STK11: variants seen among roughly 807,000 people sequenced by gnomAD.
STK11 encodes the protein serine/threonine-protein kinase STK11.
In STK11, 8 loss-of-function variants were observed where a neutral mutation model predicts 47.3. The ratio of observed to expected loss-of-function variants is 0.17; its 90% CI spans 0.10 to 0.31. The LOEUF is 0.31. Ranked by LOEUF, STK11 falls within the 10% of genes least tolerant of loss-of-function variation. The probability of loss-of-function intolerance (pLI) is 1.00; values close to 1 mark genes in which losing one functional copy is unlikely to be tolerated. For synonymous variants in STK11, 330 were observed against 255.8 expected (o/e 1.29, Z -2.77); for missense variants, 475 against 605.0 (o/e 0.79, Z 2.25).
rs1555740288 is a variant in STK11, at chr19:1,226,629, G to GGCCTGCAAGCAGCAGTGAGGCTGGCC, written c.1292_*15dup. 1.9e-6 allele frequency: 3 copies of GGCCTGCAAGCAGCAGTGAGGCTGGCC among 1,542,458 alleles called. No homozygotes were observed. Among genetic ancestry groups the GGCCTGCAAGCAGCAGTGAGGCTGGCC allele is most frequent in the Non-Finnish European group, 2.6e-6 (3 of 1,144,650 alleles). ...CCAGCAGCAAGATCCGCCGGCTGTC[G>GGCCTGCAAGCAGCAGTGAGGCTGGCC]GCCTGCAAGCAGCAGTGAGGCTGGC... On this transcript the variant is annotated stop_gained and frameshift_variant, in exon 9 of 10. Transcript: ENST00000326873. LOFTEE classifies it high-confidence loss of function.
At position 1,228,163 on chromosome 19, in the gene STK11, G is replaced by T; in HGVS notation, c.*587G>T. ...GGGGCTGTGGGGTCGGGCTCACGTCGCGGCCGCCTTTGCGCTCTCGGGTCA... is the reference window on the plus strand; with the variant it reads ...GGGGCTGTGGGGTCGGGCTCACGTCTCGGCCGCCTTTGCGCTCTCGGGTCA... On this transcript the variant is annotated 3_prime_UTR_variant, in exon 10 of 10. Coordinates refer to ENST00000326873, the MANE Select transcript of STK11 (RefSeq NM_000455.5). 1 of 1,060,772 alleles carries T rather than the reference G, an allele frequency of 9.4e-7. No individual in the cohort carries two copies. Among genetic ancestry groups the T allele is most frequent in the South Asian group, 4.6e-5 (1 of 21,906 alleles). The allele number at this position is 1,060,772 out of a possible 1,614,324, so 65.7% of individuals were successfully genotyped here. A position where few individuals can be genotyped will look rare whatever the true frequency, so the allele number is the denominator to read the frequency against.
chr19:1,215,409 G>C (rs527544742), intron 1 of STK11, among the ~76,000 whole-genome samples: 1 of 152,366 alleles, frequency 6.6e-6, no homozygotes, highest in African/African-American at 2.4e-5. Context: ...AGGGCACCGG[G>C]CACAGCCAGG....
At chr19:1,219,528 G>GT (rs914339046) in intron 3 of STK11, 115 bp downstream of exon 3, 12 of 903,180 alleles carry the variant, frequency 1.3e-5, no homozygotes, top group South Asian at 1.1e-4. Flanking sequence ...GAAGGCCCAA[G>GT]TTTTTTTGTT....
In STK11 at chr19:1,206,699, C is replaced by T. The variant is rs1348590477; in HGVS notation, c.-215C>T. 1.5e-6 allele frequency: 1 copy of T among 660,190 alleles called. No homozygotes were observed. Among genetic ancestry groups the T allele is most frequent in the African/African-American group, 1.8e-5 (1 of 54,772 alleles). 40.9% of individuals were successfully genotyped at this position (660,190 alleles called of 1,614,324 possible). ...CCCCCGGTGCCCGCCGGTCCGCAGA[C>T]CCTGCACCGGGCTTGGACTCGCAGC... is the stretch of plus-strand genomic sequence containing the variant. On this transcript the variant is annotated 5_prime_UTR_variant, in exon 1 of 10. Coordinates refer to ENST00000326873, the MANE Select transcript of STK11 (RefSeq NM_000455.5).
intron 7 of STK11, 133 bp from the exon 8 acceptor site, chr19:1,222,852 A>G: frequency 9.4e-7 from 1 of 1,063,064 alleles, no homozygotes. Context: ...CTGTGGTCAC[A>G]GCCACCCCTT....
chr19:1,208,721 GA>G (rs1473902704), intron 1 of STK11, among the ~76,000 whole-genome samples: 1 of 128,396 alleles, frequency 7.8e-6, no homozygotes, highest in Non-Finnish European at 1.6e-5. Flanking sequence ...GGGTTCAAGT[GA>G]TTCTCGTGCC....
intron 9 of STK11, 51 bp downstream of exon 9, chr19:1,226,714 C>T (rs2145437004): frequency 1.4e-6 from 2 of 1,441,626 alleles, no homozygotes; most frequent in East Asian, 2.5e-5. Flanking sequence ...CGCCTGGATG[C>T]CACAGCCAGC....
chr19:1,221,135 C>T (rs1418413735), intron 5 of STK11, 78 bp from the exon 6 acceptor site: 1 of 1,585,374 alleles, frequency 6.3e-7, no homozygotes, highest in Non-Finnish European at 8.6e-7. Context: ...CGCCTCTGTC[C>T]CTGGGGTAGA....
chr19:1,223,382 G>T (rs1266161594), intron 8 of STK11, among the ~76,000 whole-genome samples: 1 of 152,252 alleles, frequency 6.6e-6, no homozygotes, highest in African/African-American at 2.4e-5. Flanking sequence ...GGGGGCACCA[G>T]CCCAGGCCTG....
rs587782379 is a variant in STK11 at position 1,220,591 on chromosome 19, C to A, written c.608C>A (p.Pro203Gln). 1.9e-6 allele frequency: 3 copies of A among 1,586,018 alleles called. No individual in the cohort carries two copies. Among genetic ancestry groups the A allele is most frequent in the Non-Finnish European group, 2.6e-6 (3 of 1,166,018 alleles). The stretch of plus-strand genomic sequence containing the variant: ...ACGGCACCGCCACAGGCACTGCACC[C>A]GTTCGCGGCGGACGACACCTGCCGG... ...SDLGVAEALH[P>Q]FAADDTCRTS... Residue 203 changes from proline (P) to glutamine (Q), a missense_variant, in exon 5 of 10, where the codon CCG becomes CAG. This residue lies in a region of STK11 where 130 missense variants were observed against 239.7 expected (regional missense o/e 0.54). Coordinates refer to ENST00000326873, the MANE Select transcript of STK11 (RefSeq NM_000455.5).
At chr19:1,220,244 G>A in intron 3 of STK11, 129 bp from the exon 4 acceptor site, 1 of 1,276,636 alleles carries the variant, frequency 7.8e-7, no homozygotes, top group Non-Finnish European at 1.1e-6. Flanking sequence ...CCTCTGTCCT[G>A]TGTGCCTGGA....
At chr19:1,207,489 G>A (rs1230780118) in intron 1 of STK11, among the ~76,000 whole-genome samples, 1 of 152,154 alleles carries the variant, frequency 6.6e-6, no homozygotes, top group Admixed American at 6.5e-5. Context: ...GAAGGGAGCG[G>A]CCCCCAATCC....
intron 1 of STK11, among the ~76,000 whole-genome samples, chr19:1,215,471 G>C (rs1958476965): frequency 6.6e-6 from 1 of 152,216 alleles, no homozygotes; most frequent in African/African-American, 2.4e-5. Flanking sequence ...GTGTCCCTCT[G>C]TGCCCCGTCC....
intron 9 of STK11, chr19:1,227,010 C>CCTG: frequency 3.3e-6 from 1 of 299,394 alleles, no homozygotes; most frequent in Non-Finnish European, 6.3e-6. Context: ...AAGGCTTATG[C>CCTG]TGGGCTCAGC....
chr19:1,226,665 TG>T lies in STK11; in HGVS notation c.*16+6del, dbSNP rs1248239568. The stretch of plus-strand genomic sequence containing the variant: ...AGCAGTGAGGCTGGCCGCCTGCAGG[TG>T]GGGCGCGGCGGGGCCCGGGTGGGGC... On this transcript the variant is annotated splice_donor_region_variant and intron_variant, in intron 9 of 9. Transcript: ENST00000326873. 1 of 1,499,862 alleles carries T rather than the reference TG, an allele frequency of 6.7e-7. No individual in the cohort carries two copies. The highest frequency in any genetic ancestry group is 2.3e-5 in the Admixed American group (1 of 43,934). The allele number at this position is 1,499,862 out of a possible 1,614,324, so 92.9% of individuals were successfully genotyped here.
At chr19:1,220,324 TGA>T in intron 3 of STK11, 47 bp from the exon 4 acceptor site, 30 of 1,570,750 alleles carry the variant, frequency 1.9e-5, no homozygotes, top group Non-Finnish European at 2.3e-5. Flanking sequence ...GGGACCCCTG[TGA>T]GGGGCAGGGA....
At chr19:1,221,686 A>G (rs908794625) in intron 6 of STK11, 14 of 587,678 alleles carry the variant, frequency 2.4e-5, no homozygotes, top group African/African-American at 2.2e-4. Flanking sequence ...CCGTCCGTCC[A>G]TCTGCCCAGT....
intron 7 of STK11, among the ~76,000 whole-genome samples, chr19:1,222,309 T>C (rs901274725): frequency 6.6e-6 from 1 of 152,184 alleles, no homozygotes; most frequent in Admixed American, 6.5e-5. Flanking sequence ...CGAGAGCCTC[T>C]CTTTTTCCCC....
chr19:1,227,905 C>G lies in STK11; in HGVS notation c.*329C>G. 9.3e-7 allele frequency: 1 copy of G among 1,070,262 alleles called. No homozygotes were observed. Among genetic ancestry groups the G allele is most frequent in the East Asian group, 4.8e-5 (1 of 20,774 alleles). 66.3% of individuals were successfully genotyped at this position (1,070,262 alleles called of 1,614,324 possible). The stretch of plus-strand genomic sequence containing the variant: ...TACTGGCCCCGCCCGTGGCCTCGTG[C>G]TCCGCAGGGCGCCCAGCGCCGTCCG... On this transcript the variant is annotated 3_prime_UTR_variant, in exon 10 of 10. Transcript: ENST00000326873.
Sources: allele counts gnomAD v4.1 joint callset (sites outside exome capture counted in the v4.1 genomes callset), GRCh38; gene constraint gnomAD v4.1.1; regional missense constraint gnomAD v4.1.1; transcripts MANE v1.5; gene names NCBI Gene and HGNC (gene_info 2026-07-23, HGNC 2026-07-21).